Variants in ZSWIM8 observed in about 807,000 individuals in gnomAD.
ZSWIM8 encodes the protein zinc finger SWIM domain-containing protein 8.
A neutral mutation model predicts 173.7 loss-of-function variants in ZSWIM8; 27 were observed. That is an observed-to-expected ratio of 0.16 (90% CI 0.11 to 0.21). The LOEUF (loss-of-function observed/expected upper bound fraction) is 0.21, where lower values mean the gene tolerates loss of function less well. Among genes scored for constraint, ZSWIM8 ranks in the 10% least tolerant of loss-of-function variants. The probability of loss-of-function intolerance (pLI) is 1.00; values close to 1 mark genes in which losing one functional copy is unlikely to be tolerated. For synonymous variants in ZSWIM8, 958 were observed against 962.0 expected (o/e 1.00, Z 0.08); for missense variants, 1,627 against 2,428.8 (o/e 0.67, Z 6.94).
In ZSWIM8 at chr10:73,791,807, C is replaced by T. The variant is rs1370166034; in HGVS notation, c.1320-52C>T. The T allele has an allele frequency of 2.3e-5, 34 of 1,469,552 alleles. No homozygotes were observed. The East Asian group carries it at 3.5e-4, about 15-fold the overall frequency. The allele number at this position is 1,469,552 out of a possible 1,614,324, so 91.0% of individuals were successfully genotyped here. On this transcript the variant is annotated intron_variant, in intron 9 of 25. Coordinates refer to ENST00000604729, the MANE Select transcript of ZSWIM8 (RefSeq NM_001367799.1). The surrounding 1 kb of genome is among the most constrained non-coding windows in gnomAD (Gnocchi z 6.0). Reference sequence around the variant, plus strand: ...CTTTGGGGTGTACACCTACTCCATGCCCATCCTTTCCCAGTAGCCCCTCAG... The same window carrying T: ...CTTTGGGGTGTACACCTACTCCATGTCCATCCTTTCCCAGTAGCCCCTCAG...
rs369972331 is a variant in ZSWIM8 at position 73,799,187 on chromosome 10, T to C, written c.4362T>C (p.Gly1454=). ...TSCSASGIRA[G]GEAGRGMPEG... is the part of the protein sequence containing the mutation. ...GTAGTGCCAGTGGGATCAGGGCAGG[T>C]GGGGAAGCTGGGCGGGGTATGCCTG... The change falls in exon 21 of 26, where the codon GGT becomes GGC. Residue 1454 remains glycine, a synonymous_variant. Coordinates refer to ENST00000604729, the MANE Select transcript of ZSWIM8 (RefSeq NM_001367799.1). 7.4e-5 allele frequency: 119 copies of C among 1,609,996 alleles called. No homozygotes were observed. Among genetic ancestry groups the C allele is most frequent in the Non-Finnish European group, 9.1e-5 (107 of 1,178,150 alleles).
At position 73,797,354 on chromosome 10, in the gene ZSWIM8, G is replaced by C; in HGVS notation, c.3434-23G>C. 6.2e-7 allele frequency: 1 copy of C among 1,613,204 alleles called. No homozygotes were observed. ...AACATCTGGGACTCCTGACTTCTGA[G>C]ACTGACTTCTCTTGGGGGTTAGGCA... On this transcript the variant is annotated intron_variant, in intron 17 of 25. Coordinates refer to ENST00000604729, the MANE Select transcript of ZSWIM8 (RefSeq NM_001367799.1). The surrounding 1 kb of genome is among the most constrained non-coding windows in gnomAD (Gnocchi z 5.6).
chr10:73,785,636 T>C lies in ZSWIM8; in HGVS notation c.-243T>C. On this transcript the variant is annotated 5_prime_UTR_variant, in exon 1 of 26. Coordinates refer to ENST00000604729, the MANE Select transcript of ZSWIM8 (RefSeq NM_001367799.1). ...CCTAGAGGCCCCAGCCGCCGAGCGC[T>C]TCGTCCCGGCCCTAAGTCTCGGAGA... The C allele has an allele frequency of 1.7e-6, 1 of 587,910 alleles. No individual in the cohort carries two copies. The highest frequency in any genetic ancestry group is 2.3e-5 in the Admixed American group (1 of 43,916). The allele number at this position is 587,910 out of a possible 1,614,324, so 36.4% of individuals were successfully genotyped here.
chr10:73,792,262 C>T lies in ZSWIM8; in HGVS notation c.1723C>T (p.Leu575=), dbSNP rs750094180. ...CTCAGCTGAAGGGGGAGATAAAGCTCTACATAAGATGGGTCCAGGTGGGGG... is the reference window on the plus strand; with the variant it reads ...CTCAGCTGAAGGGGGAGATAAAGCTTTACATAAGATGGGTCCAGGTGGGGG... ...RLSAEGGDKA[L]HKMGPGGGKA... The change falls in exon 10 of 26, where the codon CTA becomes TTA. Residue 575 remains leucine, a synonymous_variant. Transcript: ENST00000604729. The surrounding 1 kb of genome is among the most constrained non-coding windows in gnomAD (Gnocchi z 4.3). 7.5e-6 allele frequency: 12 copies of T among 1,590,632 alleles called. No individual in the cohort carries two copies. Among genetic ancestry groups the T allele is most frequent in the African/African-American group, 1.3e-5 (1 of 74,206 alleles).
chr10:73,790,345 A>G, intron 7 of ZSWIM8, 53 bp downstream of exon 7: 1 of 1,548,016 alleles, frequency 6.5e-7, no homozygotes, highest in Non-Finnish European at 8.7e-7. Flanking sequence ...AGCGTCCCTC[A>G]GGCTGATGAC....
intron 2 of ZSWIM8, 65 bp downstream of exon 2, chr10:73,788,888 C>T: frequency 6.3e-7 from 1 of 1,592,726 alleles, no homozygotes; most frequent in Non-Finnish European, 8.6e-7. Context: ...GCTGGGTTTC[C>T]CATAGAACAA....
At position 73,792,336 on chromosome 10, in the gene ZSWIM8, A is replaced by G. The variant is rs777186083; in HGVS notation, c.1797A>G (p.Ala599=). The change falls in exon 10 of 26, where the codon GCA becomes GCG. Residue 599 remains alanine (A), a synonymous_variant. Transcript: ENST00000604729. This position sits in a 1 kb window ranked among gnomAD's most constrained non-coding sequence, Gnocchi z 4.3. ...GGAGSGSKGS[A]GGGSKRRLSS... ...CTGGCAGTGGGAGCAAGGGCTCAGC[A>G]GGTGGCGGAAGCAAGCGACGGCTGA... The G allele has an allele frequency of 1.2e-6, 2 of 1,612,794 alleles. No individual in the cohort carries two copies. The highest frequency in any genetic ancestry group is 1.7e-6 in the Non-Finnish European group (2 of 1,179,470).
In ZSWIM8 at chr10:73,801,159, C is replaced by T; in HGVS notation, c.5265C>T (p.His1755=). 1 of 1,597,314 alleles carries T rather than the reference C, an allele frequency of 6.3e-7. No individual in the cohort carries two copies. Among genetic ancestry groups the T allele is most frequent in the South Asian group, 1.1e-5 (1 of 88,272 alleles). ...ACCACCTGCGTGCCCCGGCCTTCCA[C>T]CAACTGGTGCAGCGCTGCCAGCAGG... is the stretch of plus-strand genomic sequence containing the variant. ...AHNHLRAPAF[H]QLVQRCQQAY... is the part of the protein sequence containing the mutation. Residue 1755 remains histidine (H), a synonymous_variant, in exon 25 of 26, where the codon CAC becomes CAT. Coordinates refer to ENST00000604729, the MANE Select transcript of ZSWIM8 (RefSeq NM_001367799.1). This position sits in a 1 kb window ranked among gnomAD's most constrained non-coding sequence, Gnocchi z 4.9.
In ZSWIM8 at chr10:73,785,652, G is replaced by C. The variant is rs1488331144; in HGVS notation, c.-227G>C. On this transcript the variant is annotated 5_prime_UTR_variant, in exon 1 of 26. Coordinates refer to ENST00000604729, the MANE Select transcript of ZSWIM8 (RefSeq NM_001367799.1). ...GCCGAGCGCTTCGTCCCGGCCCTAA[G>C]TCTCGGAGACTGGCCAAGATCACCG... 1 of 614,232 alleles carries C rather than the reference G, an allele frequency of 1.6e-6. No homozygotes were observed. The highest frequency in any genetic ancestry group is 1.6e-5 in the South Asian group (1 of 64,214). The allele number at this position is 614,232 out of a possible 1,614,324, so 38.0% of individuals were successfully genotyped here.
At chr10:73,796,691 A>T in intron 15 of ZSWIM8, 83 bp from the exon 16 acceptor site, 1 of 1,550,942 alleles carries the variant, frequency 6.4e-7, no homozygotes. Flanking sequence ...GGCTGTTTCA[A>T]GGAGAAAGGA....
chr10:73,787,223 C>T (rs995837595), intron 1 of ZSWIM8, among the ~76,000 whole-genome samples: 2 of 152,184 alleles, frequency 1.3e-5, no homozygotes, highest in African/African-American at 2.4e-5. Context: ...GGATTACAGG[C>T]GTGAGCCACC....
Position 73,792,682 on chromosome 10 carries a change from A to T in ZSWIM8, c.2143A>T (p.Thr715Ser). Residue 715 changes from threonine (T) to serine (S), a missense_variant, in exon 10 of 26, where the codon ACC becomes TCC. Transcript: ENST00000604729. This position sits in a 1 kb window ranked among gnomAD's most constrained non-coding sequence, Gnocchi z 4.3. ...TDESGNGLPK[T>S]KEAAPAVGEE... ...TGAGAGTGGCAATGGGCTTCCCAAA[A>T]CCAAAGAGGCAGCCCCTGCAGTTGG... 6.2e-7 allele frequency: 1 copy of T among 1,613,882 alleles called. No individual in the cohort carries two copies. The highest frequency in any genetic ancestry group is 8.5e-7 in the Non-Finnish European group (1 of 1,179,860).
rs756153987 is a variant in ZSWIM8, at chr10:73,791,470, C to T, written c.1290C>T (p.Ala430=). 5 of 1,609,512 alleles carry T rather than the reference C, an allele frequency of 3.1e-6. No individual in the cohort carries two copies. In the African/African-American group the frequency reaches 4.0e-5, roughly 13 times the overall value. Residue 430 remains alanine (A), a synonymous_variant, in exon 9 of 26, where the codon GCC becomes GCT. Coordinates refer to ENST00000604729, the MANE Select transcript of ZSWIM8 (RefSeq NM_001367799.1). This position sits in a 1 kb window ranked among gnomAD's most constrained non-coding sequence, Gnocchi z 6.0. ...AGATGGTCACACTGTGGAGGCTGGCCGTGCTGGACCCTGCACTCAGCCCCC... is the reference window on the plus strand; with the variant it reads ...AGATGGTCACACTGTGGAGGCTGGCTGTGCTGGACCCTGCACTCAGCCCCC... ...CDEMVTLWRL[A]VLDPALSPQR...
chr10:73,797,761 C>T lies in ZSWIM8; in HGVS notation c.3663-20C>T, dbSNP rs2083738573. The T allele has an allele frequency of 6.2e-7, 1 of 1,606,868 alleles. No homozygotes were observed. On this transcript the variant is annotated intron_variant, in intron 18 of 25. Coordinates refer to ENST00000604729, the MANE Select transcript of ZSWIM8 (RefSeq NM_001367799.1). The surrounding 1 kb of genome is among the most constrained non-coding windows in gnomAD (Gnocchi z 5.6). ...TTCAAAGAAACCCCAACCCCCGTCCCTACCCCATTGCCCCTTCAGGTACAA... is the reference window on the plus strand; with the variant it reads ...TTCAAAGAAACCCCAACCCCCGTCCTTACCCCATTGCCCCTTCAGGTACAA...
chr10:73,794,411 C>T, intron 13 of ZSWIM8, 81 bp downstream of exon 13: 1 of 1,570,638 alleles, frequency 6.4e-7, no homozygotes, highest in South Asian at 1.2e-5. Flanking sequence ...CCCCAAGTTT[C>T]TGAATCACCT....
chr10:73,789,702 C>G lies in ZSWIM8; in HGVS notation c.631-15C>G. The G allele has an allele frequency of 6.3e-7, 1 of 1,585,512 alleles. No homozygotes were observed. Among genetic ancestry groups the G allele is most frequent in the South Asian group, 1.2e-5 (1 of 86,862 alleles). On this transcript the variant is annotated splice_polypyrimidine_tract_variant and intron_variant, in intron 4 of 25. Coordinates refer to ENST00000604729, the MANE Select transcript of ZSWIM8 (RefSeq NM_001367799.1). The surrounding 1 kb of genome is among the most constrained non-coding windows in gnomAD (Gnocchi z 6.8). ...TGTTCTCAGATTGTTCCATTTTTCT[C>G]TGTGTCCCCTTCAGGCTTCTGCAGT...
In ZSWIM8 at chr10:73,800,769, C is replaced by T; in HGVS notation, c.5122+10C>T. On this transcript the variant is annotated intron_variant, in intron 24 of 25. Coordinates refer to ENST00000604729, the MANE Select transcript of ZSWIM8 (RefSeq NM_001367799.1). The surrounding 1 kb of genome is among the most constrained non-coding windows in gnomAD (Gnocchi z 4.1). ...CTGGCAGCAAAGCTGGGTAACACCT[C>T]CCCTCCCTAGGACCATTGCCCCCCC... The T allele has an allele frequency of 6.2e-7, 1 of 1,606,700 alleles. No individual in the cohort carries two copies. The highest frequency in any genetic ancestry group is 1.1e-5 in the South Asian group (1 of 90,350).
At chr10:73,790,400 C>T (rs2083375257) in intron 7 of ZSWIM8, 108 bp downstream of exon 7, 4 of 1,462,426 alleles carry the variant, frequency 2.7e-6, no homozygotes, top group South Asian at 2.8e-5. Context: ...CCTTTTATTC[C>T]CTGAACTGGC....
Position 73,793,904 on chromosome 10 carries a change from G to A in ZSWIM8, c.2485G>A (p.Val829Met), listed in dbSNP as rs1231581349. 6.2e-7 allele frequency: 1 copy of A among 1,613,156 alleles called. No individual in the cohort carries two copies. Among genetic ancestry groups the A allele is most frequent in the Non-Finnish European group, 8.5e-7 (1 of 1,179,674 alleles). Reference protein sequence around the residue: ...NKVSTSRQTWVATNTLSKAAF... With the variant: ...NKVSTSRQTWMATNTLSKAAF... ...GGTATCCACGAGCCGTCAGACCTGG[G>A]TGGCTACCAACACCCTGAGCAAGGC... Residue 829 changes from valine (V) to methionine (M), a missense_variant, in exon 12 of 26, where the codon GTG (valine) becomes ATG (methionine). Val to Met is a conservative substitution (Grantham distance 21). This residue lies in a region of ZSWIM8 where 169 missense variants were observed against 235.3 expected (regional missense o/e 0.72). Transcript: ENST00000604729.
Sources: gnomAD v4.1 joint callset for allele counts (sites outside exome capture counted in the v4.1 genomes callset) on GRCh38, gnomAD v4.1.1 for gene constraint, gnomAD v4.1.1 regional missense constraint, Gnocchi (gnomAD v3.1) non-coding constraint, MANE v1.5 for transcripts, NCBI Gene and HGNC (gene_info 2026-07-23, HGNC 2026-07-21) for gene names.